Variants in COQ8B observed in about 807,000 individuals in gnomAD.
The protein encoded by COQ8B is coenzyme Q8B.
A neutral mutation model predicts 62.0 loss-of-function variants in COQ8B; 44 were observed. That is an observed-to-expected ratio of 0.71 (90% CI 0.56 to 0.91). The LOEUF (loss-of-function observed/expected upper bound fraction) is 0.91, where lower values mean the gene tolerates loss of function less well. Ranked by LOEUF, COQ8B falls within the 40% of genes least tolerant of loss-of-function variation. The probability of loss-of-function intolerance (pLI) is 0.00; values close to 1 mark genes in which losing one functional copy is unlikely to be tolerated. For missense variants in COQ8B, 649 were observed against 731.6 expected (o/e 0.89, Z 1.30); for synonymous variants, 252 against 289.9 (o/e 0.87, Z 1.33).
At chr19:40,699,979 C>G in intron 12 of COQ8B, 88 bp downstream of exon 12, 1 of 1,266,118 alleles carries the variant, frequency 7.9e-7, no homozygotes, top group Non-Finnish European at 1.1e-6. Context: ...TGGGGGTAAT[C>G]AACTGCTATT....
intron 13 of COQ8B, among the ~76,000 whole-genome samples, chr19:40,695,748 G>A (rs190963438): frequency 3.5e-4 from 53 of 152,226 alleles, no homozygotes; most frequent in African/African-American, 1.2e-3. Context: ...GGCCTAAAAC[G>A]GGCCTAAAAA....
At position 40,692,236 on chromosome 19, in the gene COQ8B, C is replaced by T. The variant is rs1422056682; in HGVS notation, c.1434G>A (p.Leu478=). ...CATAGGTCTCCTCGGGTGGGGGACA[C>T]AGCCGGTGCCGCAGCAGCACCGGGA... ...DLIPVLLRHR[L]CPPPEETYAL... The change falls in exon 15 of 15, where the codon CTG becomes CTA. Residue 478 remains leucine (L), a synonymous_variant. Transcript: ENST00000324464. The T allele has an allele frequency of 1.2e-6, 2 of 1,610,202 alleles. No individual in the cohort carries two copies. The highest frequency in any genetic ancestry group is 2.7e-5 in the African/African-American group (2 of 74,908).
intron 10 of COQ8B, among the ~76,000 whole-genome samples, chr19:40,701,813 A>G (rs1393981252): frequency 3.9e-5 from 6 of 152,142 alleles, no homozygotes; most frequent in African/African-American, 1.4e-4. Flanking sequence ...CTCTCTGTCT[A>G]CAGAGCTTGG....
rs142287240 is a variant in COQ8B, at chr19:40,695,992, G to A, written c.1206C>T (p.Ile402=). 1.0e-3 allele frequency: 1,648 copies of A among 1,614,118 alleles called. 12 individuals are homozygous for A. In the African/African-American group the frequency reaches 0.02, roughly 19 times the overall value. ...CTGGGGTCTGGGGGAGACTCACCTC[G>A]ATGTAATGGTCTGTGAACTCTGTCC... ...EFGTEFTDHY[I]EVVKAAADGD... The change falls in exon 13 of 15, where the codon ATC becomes ATT. Residue 402 remains isoleucine, a synonymous_variant. Coordinates refer to ENST00000324464, the MANE Select transcript of COQ8B (RefSeq NM_024876.4).
At chr19:40,712,449 G>A (rs1417434049) in intron 4 of COQ8B, among the ~76,000 whole-genome samples, 1 of 151,306 alleles carries the variant, frequency 6.6e-6, no homozygotes, top group Non-Finnish European at 1.5e-5. Flanking sequence ...ATAGTTGGAC[G>A]TGGTGGCGTG....
rs554663985 is a variant in COQ8B at position 40,712,866 on chromosome 19, T to TG, written c.289+1200dup. ...CTCATGTACGGAATAGAACACTCAT[T>TG]GATTCAGTGCAGCATGTGTGTATAT... On this transcript the variant is annotated intron_variant, in intron 4 of 14. Coordinates refer to ENST00000324464, the MANE Select transcript of COQ8B (RefSeq NM_024876.4). 2.0e-3 allele frequency among the ~76,000 whole-genome samples: 304 copies of TG among 152,306 alleles called. 1 individual carries two copies. Among genetic ancestry groups the TG allele is most frequent in the African/African-American group, 7.0e-3 (292 of 41,556 alleles).
chr19:40,700,102 A>G lies in COQ8B; in HGVS notation c.1108T>C (p.Trp370Arg). The change falls in exon 12 of 15, where the codon TGG becomes CGG. Residue 370 changes from tryptophan to arginine, a missense_variant. Transcript: ENST00000324464. ...EFRFMQTDPN[W>R]ANFLYDASSH... ...GAGGCATCATACAGGAAGTTGGCCC[A>G]GTTGGGGTCAGTCTGCATGAATCGG... The G allele has an allele frequency of 6.2e-7, 1 of 1,614,264 alleles. No homozygotes were observed. Among genetic ancestry groups the G allele is most frequent in the South Asian group, 1.1e-5 (1 of 91,088 alleles).
rs547117462 is a variant in COQ8B at position 40,705,598 on chromosome 19, T to C, written c.368-151A>G. ...CCAGTCTGGGCAACAGTGACATCCTTTCTCTATTAAAAAAAATATATATCA... is the reference window on the plus strand; with the variant it reads ...CCAGTCTGGGCAACAGTGACATCCTCTCTCTATTAAAAAAAATATATATCA... On this transcript the variant is annotated intron_variant, in intron 5 of 14. Transcript: ENST00000324464. 2.4e-4 allele frequency: 184 copies of C among 765,146 alleles called. 1 individual carries two copies. The highest frequency in any genetic ancestry group is 4.0e-4 in the Middle Eastern group (1 of 2,526). The allele number at this position is 765,146 out of a possible 1,614,324, so 47.4% of individuals were successfully genotyped here.
intron 12 of COQ8B, among the ~76,000 whole-genome samples, chr19:40,696,438 G>T (rs557900084): frequency 3.3e-5 from 5 of 152,216 alleles, no homozygotes; most frequent in Non-Finnish European, 7.4e-5. Context: ...AGGCCAAGGT[G>T]GGTGGATCAT....
rs1426217081 is a variant in COQ8B at position 40,709,975 on chromosome 19, A to T, written c.367+84T>A. On this transcript the variant is annotated intron_variant, in intron 5 of 14. Coordinates refer to ENST00000324464, the MANE Select transcript of COQ8B (RefSeq NM_024876.4). Reference sequence around the variant, plus strand: ...CCACCTCCATCTTCCGCATGAGGAAACTGGAGCTCAGAGGGGTGAAGTCAC... The same window carrying T: ...CCACCTCCATCTTCCGCATGAGGAATCTGGAGCTCAGAGGGGTGAAGTCAC... The T allele has an allele frequency of 2.9e-6, 4 of 1,397,406 alleles. No homozygotes were observed. The Admixed American group carries it at 7.2e-5, about 25-fold the overall frequency. 86.6% of individuals were successfully genotyped at this position (1,397,406 alleles called of 1,614,324 possible).
chr19:40,692,359 G>A lies in COQ8B; in HGVS notation c.1311C>T (p.Ala437=). 6.2e-7 allele frequency: 1 copy of A among 1,613,370 alleles called. No homozygotes were observed. Among genetic ancestry groups the A allele is most frequent in the African/African-American group, 1.3e-5 (1 of 75,002 alleles). ...CCAGGATCATCACTGCCTCCACGTG[G>A]GCGTCGGAGAATGCCTGGGAGTGGG... ...TGFETKAFSD[A]HVEAVMILGE... is the part of the protein sequence containing the mutation. Residue 437 remains alanine (A), a synonymous_variant, in exon 15 of 15, where the codon GCC becomes GCT. Transcript: ENST00000324464.
At position 40,703,542 on chromosome 19, in the gene COQ8B, C is replaced by T. The variant is rs1320713590; in HGVS notation, c.798G>A (p.Ala266=). The T allele has an allele frequency of 1.0e-5, 16 of 1,598,186 alleles. No homozygotes were observed. The highest frequency in any genetic ancestry group is 1.3e-5 in the Non-Finnish European group (15 of 1,170,710). Residue 266 remains alanine (A), a splice_region_variant and synonymous_variant, in exon 9 of 15, where the codon GCG becomes GCA. Coordinates refer to ENST00000324464, the MANE Select transcript of COQ8B (RefSeq NM_024876.4). ...CAGAGGAGTGGGTGGGCGCCTCACC[C>T]GCGGGCAGGGCCGCGCTCATCTTGA... ...AVLKMSAALP[A]GLFAEQSLQA... is the part of the protein sequence containing the mutation.
intron 4 of COQ8B, among the ~76,000 whole-genome samples, chr19:40,713,529 A>G (rs541359025): frequency 6.6e-6 from 1 of 150,438 alleles, no homozygotes; most frequent in Admixed American, 6.6e-5. Context: ...AGCCTGGGTG[A>G]CAGAGGGATA....
intron 5 of COQ8B, 49 bp downstream of exon 5, chr19:40,710,010 G>A: frequency 6.2e-7 from 1 of 1,601,862 alleles, no homozygotes; most frequent in Non-Finnish European, 8.5e-7. Flanking sequence ...CTTGCCCCAG[G>A]TCACACAGCA....
intron 4 of COQ8B, 150 bp from the exon 5 acceptor site, chr19:40,710,286 C>G (rs538697733): frequency 3.0e-4 from 215 of 726,518 alleles, no homozygotes; most frequent in Non-Finnish European, 3.8e-4. Context: ...GCTCTGTTGC[C>G]CAGGCTGGAG....
At chr19:40,695,791 T>C (rs984546928) in intron 13 of COQ8B, among the ~76,000 whole-genome samples, 198 bp downstream of exon 13, 1 of 152,240 alleles carries the variant, frequency 6.6e-6, no homozygotes, top group African/African-American at 2.4e-5. Flanking sequence ...CTGTGTGGTT[T>C]ATATCGGTTC....
intron 12 of COQ8B, among the ~76,000 whole-genome samples, chr19:40,697,822 T>TTATATA (rs66501221): frequency 0.016 from 1,265 of 78,864 alleles, 30 homozygotes; most frequent in Non-Finnish European, 0.018. Context: ...ATAAATAAAA[T>TTATATA]TATATATATA....
chr19:40,703,977 C>A, intron 7 of COQ8B, 122 bp from the exon 8 acceptor site: 1 of 1,285,024 alleles, frequency 7.8e-7, no homozygotes, highest in Non-Finnish European at 1.0e-6. Flanking sequence ...CTCTTGGCTG[C>A]CACCCCCTTT....
intron 5 of COQ8B, 105 bp downstream of exon 5, chr19:40,709,954 C>T: frequency 8.6e-7 from 1 of 1,168,268 alleles, no homozygotes; most frequent in South Asian, 1.4e-5. Context: ...TTATCACCAC[C>T]TCCATCTTCC....
Sources: gnomAD v4.1 joint callset for allele counts (sites outside exome capture counted in the v4.1 genomes callset) on GRCh38, gnomAD v4.1.1 for gene constraint, MANE v1.5 for transcripts, NCBI Gene and HGNC (gene_info 2026-07-23, HGNC 2026-07-21) for gene names.